The following CD82 variants were observed in gnomAD, a reference collection of about 807,000 sequenced individuals.
CD82 encodes CD82 antigen.
Under a neutral mutation model 37.4 loss-of-function variants are expected in CD82, and 36 were observed. That is an observed-to-expected ratio of 0.96 (90% CI 0.74 to 1.27). The LOEUF (loss-of-function observed/expected upper bound fraction) is 1.27, where lower values mean the gene tolerates loss of function less well. Among genes scored for constraint, CD82 ranks in the 50% most tolerant of loss-of-function variants. The probability of loss-of-function intolerance (pLI) is 0.00; values close to 1 mark genes in which losing one functional copy is unlikely to be tolerated. For missense variants in CD82, 340 were observed against 347.0 expected (o/e 0.98, Z 0.16); for synonymous variants, 158 against 137.4 (o/e 1.15, Z -1.05).
intron 6 of CD82, chr11:44,608,046 T>A (rs1853424339): frequency 1.3e-5 from 2 of 152,316 alleles, no homozygotes; most frequent in South Asian, 4.2e-4. Flanking sequence ...AGGGGGAAAT[T>A]TTCTGGCTTT....
intron 9 of CD82, 65 bp from the exon 10 acceptor site, chr11:44,618,984 G>C (rs1269585603): frequency 7.3e-7 from 1 of 1,369,698 alleles, no homozygotes; most frequent in African/African-American, 1.4e-5. Flanking sequence ...AACCTGGATG[G>C]TGAGGCTGGG....
At chr11:44,611,465 C>T (rs1590348932) in intron 6 of CD82, among the ~76,000 whole-genome samples, 2 of 152,226 alleles carry the variant, frequency 1.3e-5, no homozygotes, top group East Asian at 3.8e-4. Context: ...AACCACTCGC[C>T]GTGCCTGTGA....
intron 1 of CD82, among the ~76,000 whole-genome samples, chr11:44,580,014 G>A (rs1852957986): frequency 6.6e-6 from 1 of 152,186 alleles, no homozygotes; most frequent in Non-Finnish European, 1.5e-5. Context: ...GGGAGCCACA[G>A]ACAGAGATAG....
At chr11:44,592,012 T>A (rs1853152300) in intron 2 of CD82, among the ~76,000 whole-genome samples, 1 of 151,994 alleles carries the variant, frequency 6.6e-6, no homozygotes, top group African/African-American at 2.4e-5. Flanking sequence ...AGAGATGGGG[T>A]TTCACCATGT....
In CD82 at chr11:44,618,662, C is replaced by A. The variant is rs201290700; in HGVS notation, c.665C>A (p.Ala222Glu). 6.2e-7 allele frequency: 1 copy of A among 1,612,638 alleles called. No individual in the cohort carries two copies. The highest frequency in any genetic ancestry group is 1.3e-5 in the African/African-American group (1 of 75,010). The change falls in exon 9 of 10, where the codon GCG becomes GAG. Residue 222 changes from alanine to glutamate, a missense_variant. By Grantham distance (107) the Ala-to-Glu change is moderately radical. Transcript: ENST00000227155. ...YQEGCMEKVQ[A>E]WLQENLGIIL... Reference sequence around the variant, plus strand: ...CAGGGCTGCATGGAGAAGGTGCAGGCGTGGCTGCAGGAGAACCTGGGCATC... The same window carrying A: ...CAGGGCTGCATGGAGAAGGTGCAGGAGTGGCTGCAGGAGAACCTGGGCATC...
At chr11:44,571,958 C>T (rs994042516) in intron 1 of CD82, among the ~76,000 whole-genome samples, 4 of 152,212 alleles carry the variant, frequency 2.6e-5, no homozygotes, top group African/African-American at 9.7e-5. Context: ...CCGTTCCCAG[C>T]TCATCTTTTA....
At position 44,618,271 on chromosome 11, in the gene CD82, ACAACAGC is replaced by A; in HGVS notation, c.550_556del (p.Asn184PhefsTer3). On this transcript the variant is annotated frameshift_variant, in exon 8 of 10. Coordinates refer to ENST00000227155, the MANE Select transcript of CD82 (RefSeq NM_002231.4). LOFTEE classifies it high-confidence loss of function. The stretch of plus-strand genomic sequence containing the variant: ...TCCTGCGAAGTCAAGGGGGAAGAGG[ACAACAGC>A]CTTTCTGTGAGGAAGGGCTTCTGCG... 6.2e-7 allele frequency: 1 copy of A among 1,614,120 alleles called. No homozygotes were observed. The highest frequency in any genetic ancestry group is 2.2e-5 in the East Asian group (1 of 44,862).
chr11:44,588,010 T>A (rs1317689378), intron 2 of CD82: 3 of 217,910 alleles, frequency 1.4e-5, no homozygotes, highest in African/African-American at 6.7e-5. Context: ...GCAGCAATAT[T>A]TGTTGGGAGT....
chr11:44,588,253 T>C (rs1040128876), intron 2 of CD82, among the ~76,000 whole-genome samples: 1 of 151,198 alleles, frequency 6.6e-6, no homozygotes, highest in Non-Finnish European at 1.5e-5. Context: ...AGGTGGAGTC[T>C]CACTCTGTCA....
At chr11:44,613,380 T>G (rs1427050226) in intron 6 of CD82, among the ~76,000 whole-genome samples, 1 of 152,188 alleles carries the variant, frequency 6.6e-6, no homozygotes, top group Admixed American at 6.5e-5. Flanking sequence ...GTTTGCCTCC[T>G]TTTGCACAAC....
At chr11:44,601,370 C>T (rs1853306540) in intron 4 of CD82, among the ~76,000 whole-genome samples, 1 of 142,148 alleles carries the variant, frequency 7.0e-6, no homozygotes, top group Non-Finnish European at 1.6e-5. Context: ...TGATGCACCC[C>T]GGGGCTATCA....
intron 7 of CD82, among the ~76,000 whole-genome samples, chr11:44,617,636 A>G (rs1311742840): frequency 6.6e-6 from 1 of 150,968 alleles, no homozygotes; most frequent in East Asian, 1.9e-4. Context: ...CCTTTTCACC[A>G]GGAAGCTCAG....
At chr11:44,583,694 T>C (rs1054703256) in intron 1 of CD82, among the ~76,000 whole-genome samples, 4 of 152,262 alleles carry the variant, frequency 2.6e-5, no homozygotes, top group African/African-American at 9.6e-5. Context: ...CTTAGGCAAG[T>C]CACTGAACCT....
At chr11:44,591,881 G>A (rs1004174448) in intron 2 of CD82, among the ~76,000 whole-genome samples, 1 of 151,892 alleles carries the variant, frequency 6.6e-6, no homozygotes, top group African/African-American at 2.4e-5. Flanking sequence ...GTGCAGTGGC[G>A]CAATCTCAGC....
chr11:44,571,915 G>A (rs144766730), intron 1 of CD82, among the ~76,000 whole-genome samples: 12 of 152,326 alleles, frequency 7.9e-5, no homozygotes, highest in African/African-American at 2.6e-4. Context: ...AGTCTTTGAA[G>A]AGCTTGAGTC....
At position 44,588,254 on chromosome 11, in the gene CD82, C is replaced by T. The variant is rs56414052; in HGVS notation, c.-21+698C>T. On this transcript the variant is annotated intron_variant, in intron 2 of 9. Coordinates refer to ENST00000227155, the MANE Select transcript of CD82 (RefSeq NM_002231.4). ...TTTTTGTTTTTTTTAGGTGGAGTCTCACTCTGTCACCCAGGCTGGAGTGCA... is the reference window on the plus strand; with the variant it reads ...TTTTTGTTTTTTTTAGGTGGAGTCTTACTCTGTCACCCAGGCTGGAGTGCA... Among the ~76,000 whole-genome samples the T allele has an allele frequency of 8.7e-3, 1,293 of 148,468 alleles. 20 individuals carry two copies. Among genetic ancestry groups the T allele is most frequent in the African/African-American group, 0.031 (1,239 of 40,120 alleles).
chr11:44,607,241 G>A (rs539360496), intron 6 of CD82, among the ~76,000 whole-genome samples: 1 of 152,350 alleles, frequency 6.6e-6, no homozygotes, highest in Non-Finnish European at 1.5e-5. Context: ...AACTTCACAA[G>A]ACAAGATACT....
intron 1 of CD82, among the ~76,000 whole-genome samples, chr11:44,573,465 G>A (rs1336063475): frequency 6.6e-6 from 1 of 152,174 alleles, no homozygotes; most frequent in Non-Finnish European, 1.5e-5. Flanking sequence ...TAGGCCTTGA[G>A]TCACCTTTGG....
chr11:44,600,741 A>G (rs998321297), intron 4 of CD82, among the ~76,000 whole-genome samples: 58 of 152,268 alleles, frequency 3.8e-4, no homozygotes, highest in African/African-American at 1.4e-3. Context: ...CAGGCTCCTC[A>G]TGTGCCAGGC....
Sources: gnomAD v4.1 joint callset for allele counts (sites outside exome capture counted in the v4.1 genomes callset) on GRCh38, gnomAD v4.1.1 for gene constraint, MANE v1.5 for transcripts, NCBI Gene and HGNC (gene_info 2026-07-23, HGNC 2026-07-21) for gene names.